NUDCD3: variants seen among roughly 807,000 people sequenced by gnomAD.
The protein encoded by NUDCD3 is nudC domain-containing protein 3.
NUDCD3 carries 13 observed loss-of-function variants against 39.7 expected under a neutral mutation model. The observed-to-expected ratio is 0.33, with a 90% CI of 0.21 to 0.52. The LOEUF is 0.52. Ranked by LOEUF, NUDCD3 falls within the 20% of genes least tolerant of loss-of-function variation. NUDCD3 has a pLI of 0.96. For missense variants in NUDCD3, 453 were observed against 458.1 expected (o/e 0.99, Z 0.10); for synonymous variants, 175 against 172.4 (o/e 1.02, Z -0.12).
rs1026984366 is a variant in NUDCD3 at position 44,385,210 on chromosome 7, T to C, written c.*801A>G. 6.6e-6 allele frequency: 1 copy of C among 152,234 alleles called. No individual in the cohort carries two copies. The highest frequency in any genetic ancestry group is 2.4e-5 in the African/African-American group (1 of 41,448). 9.4% of individuals were successfully genotyped at this position (152,234 alleles called of 1,614,324 possible). The stretch of plus-strand genomic sequence containing the variant: ...CAGCTCTCCACTCCTGCCCACACTT[T>C]GACACCGTGCACCCAAAGAGGACGT... On this transcript the variant is annotated 3_prime_UTR_variant, in exon 6 of 6. Transcript: ENST00000355451.
chr7:44,453,685 G>A (rs1030137093), intron 2 of NUDCD3, among the ~76,000 whole-genome samples: 2 of 152,170 alleles, frequency 1.3e-5, no homozygotes, highest in African/African-American at 4.8e-5. Flanking sequence ...GGAAAGGTAG[G>A]CACACAGGAA....
At chr7:44,447,282 G>A (rs763918353) in intron 2 of NUDCD3, among the ~76,000 whole-genome samples, 6 of 152,166 alleles carry the variant, frequency 3.9e-5, no homozygotes, top group Non-Finnish European at 8.8e-5. Context: ...TTTAAGTGAC[G>A]AGCCTGAGTA....
chr7:44,444,420 A>C (rs1238457552), intron 2 of NUDCD3, among the ~76,000 whole-genome samples: 1 of 152,186 alleles, frequency 6.6e-6, no homozygotes, highest in Non-Finnish European at 1.5e-5. Context: ...AAGAACAGAA[A>C]GCTTTTCTGG....
At chr7:44,477,565 T>C (rs1800397850) in intron 2 of NUDCD3, among the ~76,000 whole-genome samples, 1 of 152,094 alleles carries the variant, frequency 6.6e-6, no homozygotes, top group Non-Finnish European at 1.5e-5. Context: ...GCTATGAAAG[T>C]TGACACTGAC....
intron 2 of NUDCD3, among the ~76,000 whole-genome samples, chr7:44,475,932 CTTTTT>C (rs922631868): frequency 6.6e-6 from 1 of 151,982 alleles, no homozygotes. Context: ...AAAGCTTTTT[CTTTTT>C]TAAGAGAAAT....
chr7:44,453,360 T>C (rs183682344), intron 2 of NUDCD3, among the ~76,000 whole-genome samples: 1 of 150,550 alleles, frequency 6.6e-6, no homozygotes, highest in African/African-American at 2.4e-5. Context: ...CTCAAAAAAA[T>C]AAATAAATAA....
chr7:44,468,115 C>A (rs1427936946), intron 2 of NUDCD3: 2 of 1,608,658 alleles, frequency 1.2e-6, no homozygotes, highest in Non-Finnish European at 8.5e-7. Context: ...TGCCCAGTGG[C>A]TTCCGGAAGT....
intron 2 of NUDCD3, among the ~76,000 whole-genome samples, chr7:44,476,929 G>A (rs556356785): frequency 2.2e-4 from 33 of 152,242 alleles, no homozygotes; most frequent in African/African-American, 7.7e-4. Context: ...CCATACCTAC[G>A]GAGACCAAGT....
chr7:44,467,965 C>A (rs749023999), intron 2 of NUDCD3: 1 of 1,611,004 alleles, frequency 6.2e-7, no homozygotes, highest in Admixed American at 1.7e-5. Context: ...TCATCCAGCA[C>A]CAGTCAGACC....
chr7:44,412,950 A>G (rs1217813277), intron 3 of NUDCD3, among the ~76,000 whole-genome samples: 1 of 151,134 alleles, frequency 6.6e-6, no homozygotes, highest in Non-Finnish European at 1.5e-5. Flanking sequence ...AAAGAAAAAA[A>G]AAAAGAAAGA....
chr7:44,430,669 T>C (rs1207969400), intron 2 of NUDCD3, among the ~76,000 whole-genome samples: 1 of 146,898 alleles, frequency 6.8e-6, no homozygotes, highest in African/African-American at 2.6e-5. Flanking sequence ...TCCTCAAAAG[T>C]TGGGAAAAAG....
At position 44,485,332 on chromosome 7, in the gene NUDCD3, T is replaced by C. The variant is rs759799568; in HGVS notation, c.193-48A>G. The C allele has an allele frequency of 3.6e-6, 5 of 1,402,254 alleles. No individual in the cohort carries two copies. In the Admixed American group the frequency reaches 1.0e-4, roughly 29 times the overall value. The allele number at this position is 1,402,254 out of a possible 1,614,324, so 86.9% of individuals were successfully genotyped here. ...CAATCAGTTCATCTGCCCAATACTG[T>C]ACCACATATCTTGTAGAAATGTCGT... On this transcript the variant is annotated intron_variant, in intron 1 of 5. Coordinates refer to ENST00000355451, the MANE Select transcript of NUDCD3 (RefSeq NM_015332.4).
intron 2 of NUDCD3, among the ~76,000 whole-genome samples, chr7:44,463,499 A>C (rs1173289356): frequency 9.9e-5 from 15 of 152,232 alleles, no homozygotes; most frequent in Admixed American, 9.8e-4. Flanking sequence ...GTTAATACAC[A>C]GCTGAGTATC....
At chr7:44,401,755 T>C (rs1798731374) in intron 4 of NUDCD3, among the ~76,000 whole-genome samples, 1 of 152,144 alleles carries the variant, frequency 6.6e-6, no homozygotes, top group African/African-American at 2.4e-5. Flanking sequence ...GAGTAGCAGG[T>C]GTTTCATGAA....
chr7:44,467,226 C>T (rs1203461606), intron 2 of NUDCD3, among the ~76,000 whole-genome samples: 1 of 152,164 alleles, frequency 6.6e-6, no homozygotes, highest in Non-Finnish European at 1.5e-5. Context: ...GAAGGAGAGT[C>T]CCTTCCAATG....
chr7:44,455,151 C>G (rs1197835980), intron 2 of NUDCD3, among the ~76,000 whole-genome samples: 1 of 152,034 alleles, frequency 6.6e-6, no homozygotes, highest in Non-Finnish European at 1.5e-5. Context: ...ACTCCCAAAT[C>G]AAGTTCCAAC....
intron 2 of NUDCD3, among the ~76,000 whole-genome samples, chr7:44,440,264 A>G (rs1799551229): frequency 6.6e-6 from 1 of 152,182 alleles, no homozygotes; most frequent in African/African-American, 2.4e-5. Context: ...TTCCTCTCCA[A>G]ATCCATAGCC....
At chr7:44,422,089 A>G (rs1385600336) in intron 3 of NUDCD3, among the ~76,000 whole-genome samples, 2 of 152,250 alleles carry the variant, frequency 1.3e-5, no homozygotes, top group Non-Finnish European at 2.9e-5. Context: ...TCTGAAACCA[A>G]TGAGAACAAA....
chr7:44,472,440 G>A lies in NUDCD3; in HGVS notation c.509+12528C>T, dbSNP rs1800274064. Among the ~76,000 whole-genome samples the A allele has an allele frequency of 4.6e-5, 7 of 152,212 alleles. No individual in the cohort carries two copies. The South Asian group carries it at 1.4e-3, about 32-fold the overall frequency. On this transcript the variant is annotated intron_variant, in intron 2 of 5. Transcript: ENST00000355451. ...GTAAATAAGACATAACCTTTTCTTA[G>A]ACCAAAAGACTCAATAATGTAAAGA...
Sources: gnomAD v4.1 joint callset for allele counts (sites outside exome capture counted in the v4.1 genomes callset) on GRCh38, gnomAD v4.1.1 for gene constraint, MANE v1.5 for transcripts, NCBI Gene and HGNC (gene_info 2026-07-23, HGNC 2026-07-21) for gene names.